Variants in AUH observed in about 807,000 individuals in gnomAD.
AUH encodes the protein methylglutaconyl-CoA hydratase, mitochondrial.
AUH carries 29 observed loss-of-function variants against 42.3 expected under a neutral mutation model. The ratio of observed to expected loss-of-function variants is 0.69; its 90% CI spans 0.51 to 0.93. AUH has a LOEUF of 0.93. AUH is among the 40% of genes least tolerant of loss of function. AUH has a pLI of 0.00. For synonymous variants in AUH, 174 were observed against 166.4 expected (o/e 1.05, Z -0.35); for missense variants, 452 against 438.1 (o/e 1.03, Z -0.28).
chr9:91,243,617 C>T (rs1199090766), intron 6 of AUH, among the ~76,000 whole-genome samples: 4 of 152,182 alleles, frequency 2.6e-5, no homozygotes, highest in East Asian at 1.9e-4. Flanking sequence ...AGGCCTGAGA[C>T]GTGAAAGATG....
At chr9:91,279,035 T>C (rs1825759964) in intron 6 of AUH, among the ~76,000 whole-genome samples, 1 of 152,218 alleles carries the variant, frequency 6.6e-6, no homozygotes, top group African/African-American at 2.4e-5. Flanking sequence ...ATTATCTTGG[T>C]TATGATTTCA....
At chr9:91,281,961 A>G (rs767843841) in intron 6 of AUH, among the ~76,000 whole-genome samples, 5 of 152,180 alleles carry the variant, frequency 3.3e-5, no homozygotes, top group Non-Finnish European at 7.4e-5. Context: ...AGCATGTCAC[A>G]GCACGTCACA....
intron 3 of AUH, among the ~76,000 whole-genome samples, chr9:91,333,234 A>T (rs1370718133): frequency 6.6e-6 from 1 of 152,150 alleles, no homozygotes; most frequent in Non-Finnish European, 1.5e-5. Flanking sequence ...AAAAAATGTT[A>T]CATTATCTCC....
At chr9:91,279,229 G>T (rs1210055974) in intron 6 of AUH, among the ~76,000 whole-genome samples, 1 of 152,074 alleles carries the variant, frequency 6.6e-6, no homozygotes, top group Non-Finnish European at 1.5e-5. Context: ...TAATGACATA[G>T]GCACTTTACA....
At chr9:91,246,946 C>T (rs527601056) in intron 6 of AUH, among the ~76,000 whole-genome samples, 1 of 152,344 alleles carries the variant, frequency 6.6e-6, no homozygotes, top group Non-Finnish European at 1.5e-5. Context: ...GGAGCCATGC[C>T]AGCAATGCCT....
At chr9:91,231,229 A>C (rs1325643566) in intron 6 of AUH, among the ~76,000 whole-genome samples, 1 of 152,140 alleles carries the variant, frequency 6.6e-6, no homozygotes, top group African/African-American at 2.4e-5. Context: ...CCTCCGAGCC[A>C]GGTGCGGGAT....
At chr9:91,261,696 G>A (rs1416784315) in intron 6 of AUH, among the ~76,000 whole-genome samples, 3 of 152,156 alleles carry the variant, frequency 2.0e-5, no homozygotes, top group Non-Finnish European at 4.4e-5. Flanking sequence ...ACTGTAGTCT[G>A]GAAAATGCCT....
chr9:91,289,972 G>A (rs989611771), intron 6 of AUH, among the ~76,000 whole-genome samples: 6 of 152,036 alleles, frequency 3.9e-5, no homozygotes, highest in South Asian at 4.1e-4. Context: ...ATCTAAATGT[G>A]AATACTATTG....
At chr9:91,219,914 C>CA (rs1827035341) in intron 7 of AUH, among the ~76,000 whole-genome samples, 2 of 152,070 alleles carry the variant, frequency 1.3e-5, no homozygotes, top group African/African-American at 4.8e-5. Flanking sequence ...CCACAGCCCA[C>CA]AAAAAAGGTT....
intron 4 of AUH, among the ~76,000 whole-genome samples, chr9:91,306,758 T>C (rs1311099803): frequency 6.6e-6 from 1 of 152,200 alleles, no homozygotes; most frequent in African/African-American, 2.4e-5. Flanking sequence ...ATCCATAGGA[T>C]AATATGCTGA....
intron 1 of AUH, among the ~76,000 whole-genome samples, chr9:91,361,344 G>A (rs1236357916): frequency 6.6e-6 from 1 of 152,210 alleles, no homozygotes; most frequent in Non-Finnish European, 1.5e-5. Flanking sequence ...TGGCTTGTCT[G>A]GAGCGGAGGG....
At chr9:91,292,553 A>C (rs1017943232) in intron 6 of AUH, among the ~76,000 whole-genome samples, 1 of 152,020 alleles carries the variant, frequency 6.6e-6, no homozygotes, top group Non-Finnish European at 1.5e-5. Flanking sequence ...TGCTAGGATT[A>C]CAGGCATAAG....
In AUH at chr9:91,275,402, C is replaced by A. The variant is rs373862122; in HGVS notation, c.655+20619G>T. ...TAGCTCATTTTAAATATTAGGCATT[C>A]TTGGACCTGTGAAAAATTAATCTTA... is the stretch of plus-strand genomic sequence containing the variant. On this transcript the variant is annotated intron_variant, in intron 6 of 9. Coordinates refer to ENST00000375731, the MANE Select transcript of AUH (RefSeq NM_001698.3). Among the ~76,000 whole-genome samples the A allele has an allele frequency of 2.0e-5, 3 of 152,292 alleles. No individual in the cohort carries two copies. In the East Asian group the frequency reaches 5.8e-4, roughly 29 times the overall value.
At chr9:91,232,654 A>G (rs1015646568) in intron 6 of AUH, among the ~76,000 whole-genome samples, 1 of 152,248 alleles carries the variant, frequency 6.6e-6, no homozygotes, top group Admixed American at 6.5e-5. Flanking sequence ...TGCTATGAAG[A>G]AAGAAAGCGC....
At chr9:91,244,111 T>C (rs1471676484) in intron 6 of AUH, among the ~76,000 whole-genome samples, 2 of 152,040 alleles carry the variant, frequency 1.3e-5, no homozygotes, top group Admixed American at 6.6e-5. Context: ...TTCCCTCCCA[T>C]CCCAAACAAA....
At chr9:91,274,119 A>G (rs1825366117) in intron 6 of AUH, among the ~76,000 whole-genome samples, 1 of 152,242 alleles carries the variant, frequency 6.6e-6, no homozygotes, top group Non-Finnish European at 1.5e-5. Flanking sequence ...AACAGAATAC[A>G]AACGTGCAAA....
At chr9:91,273,510 G>C (rs1040295622) in intron 6 of AUH, among the ~76,000 whole-genome samples, 8 of 152,176 alleles carry the variant, frequency 5.3e-5, no homozygotes, top group Admixed American at 6.5e-5. Flanking sequence ...AGTGAAAATA[G>C]TTGAAAAACT....
At chr9:91,325,696 G>A (rs1829920402) in intron 3 of AUH, among the ~76,000 whole-genome samples, 1 of 152,092 alleles carries the variant, frequency 6.6e-6, no homozygotes, top group South Asian at 2.1e-4. Flanking sequence ...CTGATCTATA[G>A]TTACTCTATT....
chr9:91,357,967 G>A (rs1832558968), intron 1 of AUH, among the ~76,000 whole-genome samples: 1 of 152,190 alleles, frequency 6.6e-6, no homozygotes, highest in Admixed American at 6.5e-5. Context: ...AACTGGCGGG[G>A]GAATAGTTTC....
Sources: allele counts gnomAD v4.1 joint callset (sites outside exome capture counted in the v4.1 genomes callset), GRCh38; gene constraint gnomAD v4.1.1; transcripts MANE v1.5; gene names NCBI Gene and HGNC (gene_info 2026-07-23, HGNC 2026-07-21).